DDX3X: variants seen among roughly 807,000 people sequenced by gnomAD.
The protein encoded by DDX3X is ATP-dependent RNA helicase DDX3X.
In DDX3X, 4 loss-of-function variants were observed where a neutral mutation model predicts 52.7. The ratio of observed to expected loss-of-function variants is 0.08; its 90% CI spans 0.04 to 0.17. The LOEUF is 0.17. Among genes scored for constraint, DDX3X ranks in the 10% least tolerant of loss-of-function variants. The pLI is 1.00. For missense variants in DDX3X, 222 were observed against 548.6 expected (o/e 0.40, Z 5.95); for synonymous variants, 192 against 178.1 (o/e 1.08, Z -0.62).
At chrX:41,346,061 G>A (rs1041307078) in intron 12 of DDX3X, among the ~76,000 whole-genome samples, 168 bp from the exon 13 acceptor site, 1 of 110,922 alleles carries the variant, frequency 9.0e-6, no homozygotes, top group Non-Finnish European at 1.9e-5. Flanking sequence ...AAATGTATTT[G>A]GATTACCTTT....
At chrX:41,344,545 C>T (rs2063897159) in intron 10 of DDX3X, 146 bp downstream of exon 10, 1 of 675,827 alleles carries the variant, frequency 1.5e-6, no homozygotes, top group South Asian at 2.3e-5. Flanking sequence ...TCAAGCGATT[C>T]TCCTGCCTCA....
intron 5 of DDX3X, among the ~76,000 whole-genome samples, chrX:41,359,507 G>T (rs1216873296): frequency 9.6e-6 from 1 of 104,162 alleles, no homozygotes; most frequent in African/African-American, 3.6e-5. Context: ...TGAGGCAGGA[G>T]AATTGCTTGA....
At chrX:41,353,026 A>G (rs1044639995), downstream of DDX3X, among the ~76,000 whole-genome samples, 1 of 111,758 alleles carries the variant, frequency 8.9e-6, no homozygotes, top group Non-Finnish European at 1.9e-5. Context: ...TTGCAGCTTT[A>G]ACTTGCCTCC....
chrX:41,354,361 T>TTTTTTTTTTTTTTTTA, downstream of DDX3X, among the ~76,000 whole-genome samples: 2 of 103,328 alleles, frequency 1.9e-5, no homozygotes, highest in Non-Finnish European at 2.0e-5. Flanking sequence ...TTTTTTTTTT[T>TTTTTTTTTTTTTTTTA]GAGACAGGGT....
chrX:41,347,457 G>C lies in DDX3X; in HGVS notation c.1909+6G>C. 2 of 1,205,108 alleles carry C rather than the reference G, an allele frequency of 1.7e-6. No individual in the cohort carries two copies. ...CAGCAGAGGATTTGGTGGAGGTAGT[G>C]TTAATCTGTAACTTCATAGCTTTGG... On this transcript the variant is annotated splice_donor_region_variant and intron_variant, in intron 16 of 16. Transcript: ENST00000644876.
intron 5 of DDX3X, among the ~76,000 whole-genome samples, chrX:41,356,137 CTT>C (rs768758470): frequency 1.5e-4 from 12 of 78,449 alleles, no homozygotes; most frequent in African/African-American, 2.7e-4. Context: ...AATTTGTCAG[CTT>C]TTTTTTTTTT....
At chrX:41,363,983 C>T (rs931510561) in intron 5 of DDX3X, among the ~76,000 whole-genome samples, 6 of 111,502 alleles carry the variant, frequency 5.4e-5, no homozygotes, top group African/African-American at 2.0e-4. Flanking sequence ...TCAGCCTAGA[C>T]CCCAGAAACA....
intron 6 of DDX3X, 62 bp from the exon 7 acceptor site, chrX:41,343,154 T>C: frequency 2.6e-6 from 3 of 1,132,429 alleles, no homozygotes; most frequent in Non-Finnish European, 3.6e-6. Flanking sequence ...TTGTTTCCAT[T>C]ATTAGTATAA....
intron 5 of DDX3X, among the ~76,000 whole-genome samples, chrX:41,359,255 A>C (rs1196416982): frequency 8.9e-6 from 1 of 112,163 alleles, no homozygotes; most frequent in Non-Finnish European, 1.9e-5. Flanking sequence ...CCATGGTTGA[A>C]TCTCTTTTAC....
intron 5 of DDX3X, among the ~76,000 whole-genome samples, chrX:41,364,006 C>T (rs780749715): frequency 9.0e-6 from 1 of 111,680 alleles, no homozygotes; most frequent in East Asian, 2.8e-4. Context: ...TGCCCCTCTG[C>T]CTTCATTCTC....
In DDX3X at chrX:41,334,210, C is replaced by T; in HGVS notation, c.-43C>T. ...GGGCCTTCGCGGTGGAACAAACACT[C>T]GCTTAGCAGCGGAAGACTCCGAGTT... is the stretch of plus-strand genomic sequence containing the variant. On this transcript the variant is annotated 5_prime_UTR_variant, in exon 1 of 17. Transcript: ENST00000644876. 1 of 1,182,755 alleles carries T rather than the reference C, an allele frequency of 8.5e-7. No homozygotes were observed. Among genetic ancestry groups the T allele is most frequent in the South Asian group, 1.8e-5 (1 of 54,880 alleles).
intron 6 of DDX3X, 101 bp from the exon 7 acceptor site, chrX:41,343,115 A>G (rs2063873481): frequency 2.0e-6 from 2 of 976,615 alleles, no homozygotes; most frequent in Non-Finnish European, 2.8e-6. Flanking sequence ...TTAAACTATA[A>G]ACTGAGTTAC....
At chrX:41,339,349 C>CTGTTTGTAATCAT (rs1349534233) in intron 3 of DDX3X, 1 of 158,565 alleles carries the variant, frequency 6.3e-6, no homozygotes, top group Non-Finnish European at 1.2e-5. Context: ...TGTGCTGAAT[C>CTGTTTGTAATCAT]TGTTTGTAAT....
chrX:41,343,674 CTG>C, intron 7 of DDX3X, 61 bp from the exon 8 acceptor site: 1 of 1,002,938 alleles, frequency 1.0e-6, no homozygotes, highest in Non-Finnish European at 1.4e-6. Context: ...TTAAAAAACA[CTG>C]TCATCTACCA....
At chrX:41,356,780 AG>A (rs1198370562) in intron 5 of DDX3X, among the ~76,000 whole-genome samples, 3 of 110,419 alleles carry the variant, frequency 2.7e-5, no homozygotes, top group Non-Finnish European at 5.7e-5. Context: ...TTCGTCAAAA[AG>A]AATGTTCTTT....
At position 41,347,180 on chromosome X, in the gene DDX3X, T is replaced by A. The variant is rs183084927; in HGVS notation, c.1770-132T>A. 362 of 935,242 alleles carry A rather than the reference T, an allele frequency of 3.9e-4. No individual in the cohort carries two copies. In the African/African-American group the frequency reaches 6.5e-3, roughly 17 times the overall value. The allele number at this position is 935,242 out of a possible 1,213,427, so 77.1% of individuals were successfully genotyped here. A position where few individuals can be genotyped will look rare whatever the true frequency, so the allele number is the denominator to read the frequency against. On this transcript the variant is annotated intron_variant, in intron 15 of 16. Coordinates refer to ENST00000644876, the MANE Select transcript of DDX3X (RefSeq NM_001356.5). The stretch of plus-strand genomic sequence containing the variant: ...GGGGTTGTATTAGAATGGGTGACAC[T>A]CTGTTGGGGAAAATATGGCTGGATG...
intron 6 of DDX3X, 95 bp downstream of exon 6, chrX:41,342,931 C>G: frequency 2.8e-6 from 2 of 712,068 alleles, no homozygotes; most frequent in Non-Finnish European, 4.3e-6. Flanking sequence ...GTCATGTAGA[C>G]CAGAGGCTTC....
chrX:41,334,729 G>A, intron 1 of DDX3X: 3 of 984,999 alleles, frequency 3.0e-6, no homozygotes, highest in Non-Finnish European at 2.6e-6. Flanking sequence ...CCGTCCGGAG[G>A]ACCTGGCGGC....
downstream of DDX3X, chrX:41,350,877 C>G (rs1333495192): frequency 8.9e-6 from 1 of 111,931 alleles, no homozygotes; most frequent in African/African-American, 3.2e-5. Flanking sequence ...TGATACGTTT[C>G]AATCTAACAA....
Sources: gnomAD v4.1 joint callset for allele counts (sites outside exome capture counted in the v4.1 genomes callset) on GRCh38, gnomAD v4.1.1 for gene constraint, MANE v1.5 for transcripts, NCBI Gene and HGNC (gene_info 2026-07-23, HGNC 2026-07-21) for gene names.